Variants in BCAS3 observed in about 807,000 individuals in gnomAD.
BCAS3 encodes BCAS4/BCAS3 fusion.
A neutral mutation model predicts 116.1 loss-of-function variants in BCAS3; 53 were observed. That is an observed-to-expected ratio of 0.46 (90% CI 0.37 to 0.57). The LOEUF (loss-of-function observed/expected upper bound fraction) is 0.57. Ranked by LOEUF, BCAS3 falls within the 20% of genes least tolerant of loss-of-function variation. The pLI is 0.00. For synonymous variants in BCAS3, 391 were observed against 408.2 expected (o/e 0.96, Z 0.51); for missense variants, 917 against 1,165.4 (o/e 0.79, Z 3.10).
rs935059056 is a variant in BCAS3 at position 61,313,116 on chromosome 17, G to C, written c.2426-55211G>C. On this transcript the variant is annotated intron_variant, in intron 22 of 23. Coordinates refer to ENST00000407086, the MANE Select transcript of BCAS3 (RefSeq NM_017679.5). The surrounding 1 kb of genome is among the most constrained non-coding windows in gnomAD (Gnocchi z 4.3). ...GCATTGATTGAGAAATCTACTCCGT[G>C]TTAGGCTTAGACTACATAGTGATGA... Among the ~76,000 whole-genome samples, 1 of 152,226 alleles carries C rather than the reference G, an allele frequency of 6.6e-6. No individual in the cohort carries two copies. The highest frequency in any genetic ancestry group is 1.5e-5 in the Non-Finnish European group (1 of 68,046).
chr17:61,057,971 G>A (rs554195559), intron 19 of BCAS3, among the ~76,000 whole-genome samples: 11 of 151,548 alleles, frequency 7.3e-5, no homozygotes, highest in Admixed American at 2.6e-4. Context: ...TTATATTGAA[G>A]CCTCTTTTAG....
At chr17:60,683,961 G>T (rs1348714783) in intron 2 of BCAS3, 21 bp from the exon 3 acceptor site, 1 of 1,608,022 alleles carries the variant, frequency 6.2e-7, no homozygotes, top group Admixed American at 1.7e-5. Flanking sequence ...GACCAGTGTT[G>T]TCCATTTCAC....
intron 15 of BCAS3, among the ~76,000 whole-genome samples, chr17:60,991,491 G>A (rs969840384): frequency 2.6e-5 from 4 of 152,148 alleles, no homozygotes; most frequent in African/African-American, 4.8e-5. Context: ...TCACTAGAAC[G>A]ACAGAAAACG....
intron 6 of BCAS3, among the ~76,000 whole-genome samples, chr17:60,765,527 CT>C (rs1001263434): frequency 1.5e-4 from 23 of 152,194 alleles, no homozygotes; most frequent in Non-Finnish European, 2.4e-4. Flanking sequence ...CCCCCACTCT[CT>C]TCTGGCTTGT....
In BCAS3 at chr17:61,248,035, G is replaced by A. The variant is rs2048111053; in HGVS notation, c.2426-120292G>A. ...AAAAGGAGTTGGGGTACTTTGTTGG[G>A]ATGTTTTGTTAGGATGCTTTTCTGA... On this transcript the variant is annotated intron_variant, in intron 22 of 23. Transcript: ENST00000407086. This position sits in a 1 kb window ranked among gnomAD's most constrained non-coding sequence, Gnocchi z 4.3. 6.6e-6 allele frequency among the ~76,000 whole-genome samples: 1 copy of A among 152,216 alleles called. No homozygotes were observed. Among genetic ancestry groups the A allele is most frequent in the East Asian group, 1.9e-4 (1 of 5,198 alleles).
At chr17:60,849,714 G>T (rs574087141) in intron 7 of BCAS3, among the ~76,000 whole-genome samples, 19 of 152,182 alleles carry the variant, frequency 1.2e-4, no homozygotes, top group Admixed American at 9.8e-4. Context: ...GTGCATAGAA[G>T]AATTGAGTGA....
chr17:61,115,774 A>G (rs2075391461), intron 22 of BCAS3, among the ~76,000 whole-genome samples: 3 of 149,226 alleles, frequency 2.0e-5, no homozygotes, highest in Admixed American at 6.7e-5. Flanking sequence ...TCATGCTGCT[A>G]TAAAGACACA....
intron 22 of BCAS3, among the ~76,000 whole-genome samples, chr17:61,301,564 G>C (rs2053440310): frequency 2.6e-5 from 4 of 152,170 alleles, no homozygotes; most frequent in Non-Finnish European, 5.9e-5. Context: ...TTGAACCCGG[G>C]AGGTGGAGGT....
At chr17:60,794,608 A>G (rs938496008) in intron 6 of BCAS3, among the ~76,000 whole-genome samples, 2 of 152,126 alleles carry the variant, frequency 1.3e-5, no homozygotes, top group Admixed American at 1.3e-4. Context: ...ATCCAGTTTC[A>G]TTCTCCTACA....
chr17:61,104,343 A>G lies in BCAS3; in HGVS notation c.2425+19779A>G, dbSNP rs1246538325. Among the ~76,000 whole-genome samples the G allele has an allele frequency of 6.6e-6, 1 of 152,208 alleles. No individual in the cohort carries two copies. Among genetic ancestry groups the G allele is most frequent in the African/African-American group, 2.4e-5 (1 of 41,452 alleles). Reference sequence around the variant, plus strand: ...TTTTATTTTTTAAAAACTTTTTAAAAAAAGTTTTTCATATAACTTTTTCAT... The same window carrying G: ...TTTTATTTTTTAAAAACTTTTTAAAGAAAGTTTTTCATATAACTTTTTCAT... On this transcript the variant is annotated intron_variant, in intron 22 of 23. Coordinates refer to ENST00000407086, the MANE Select transcript of BCAS3 (RefSeq NM_017679.5). The surrounding 1 kb of genome is among the most constrained non-coding windows in gnomAD (Gnocchi z 4.1).
chr17:60,810,580 C>G (rs2048715947), intron 7 of BCAS3: 1 of 769,620 alleles, frequency 1.3e-6, no homozygotes, highest in Non-Finnish European at 2.3e-6. Flanking sequence ...CCTGAGGGCT[C>G]AGATCTTCCC....
chr17:61,392,068 T>G lies in BCAS3; in HGVS notation c.2685T>G (p.Ser895=). Reference sequence around the variant, plus strand: ...CAAGAAACTTTGATGGCTACCGATCTCCGCTGCCCACCAATGAGAGCCAGC... The same window carrying G: ...CAAGAAACTTTGATGGCTACCGATCGCCGCTGCCCACCAATGAGAGCCAGC... The part of the protein sequence containing the change: ...SIPRNFDGYR[S]PLPTNESQPL... Residue 895 remains serine, a synonymous_variant, in exon 24 of 24, where the codon TCT becomes TCG. Coordinates refer to ENST00000407086, the MANE Select transcript of BCAS3 (RefSeq NM_017679.5). The surrounding 1 kb of genome is among the most constrained non-coding windows in gnomAD (Gnocchi z 6.4). 6.2e-7 allele frequency: 1 copy of G among 1,613,730 alleles called. No individual in the cohort carries two copies. The highest frequency in any genetic ancestry group is 8.5e-7 in the Non-Finnish European group (1 of 1,179,992).
chr17:60,845,130 G>C (rs982424239), intron 7 of BCAS3, among the ~76,000 whole-genome samples: 2 of 152,228 alleles, frequency 1.3e-5, no homozygotes, highest in Non-Finnish European at 2.9e-5. Context: ...TCAGGAGCCT[G>C]AGGCAGGAGA....
intron 22 of BCAS3, among the ~76,000 whole-genome samples, chr17:61,314,285 A>C (rs1266848929): frequency 6.6e-6 from 1 of 152,162 alleles, no homozygotes; most frequent in Non-Finnish European, 1.5e-5. Context: ...TGCTCCCACA[A>C]ACCTAAAAGC....
intron 22 of BCAS3, among the ~76,000 whole-genome samples, chr17:61,284,645 GTTTTTTTTTTTCCTCTACTC>G (rs2051568160): frequency 6.9e-6 from 1 of 145,064 alleles, no homozygotes; most frequent in Non-Finnish European, 1.5e-5. Context: ...CCACAACTGC[GTTTTTTTTTTTCCTCTACTC>G]TTTTTTTTTT....
intron 6 of BCAS3, among the ~76,000 whole-genome samples, chr17:60,790,538 T>G (rs1473483869): frequency 6.6e-6 from 1 of 152,138 alleles, no homozygotes; most frequent in Non-Finnish European, 1.5e-5. Context: ...AAAAGTAATA[T>G]TGTTAACTGT....
intron 14 of BCAS3, among the ~76,000 whole-genome samples, chr17:60,987,449 A>G (rs983096410): frequency 3.3e-5 from 5 of 152,118 alleles, no homozygotes; most frequent in Non-Finnish European, 7.4e-5. Context: ...CATTTTAACA[A>G]TATTGATTCT....
Position 61,388,303 on chromosome 17 carries a change from G to A in BCAS3, c.2594-3674G>A, listed in dbSNP as rs541279156. 2.1e-4 allele frequency: 63 copies of A among 297,912 alleles called. No homozygotes were observed. The highest frequency in any genetic ancestry group is 1.1e-3 in the Middle Eastern group (1 of 940). 18.5% of individuals were successfully genotyped at this position (297,912 alleles called of 1,614,324 possible). ...GGTCCCATCTGGCACTGCATGGGCC[G>A]TAGGTCCCCAGCCCTCCCACTTCCT... On this transcript the variant is annotated intron_variant, in intron 23 of 23. Coordinates refer to ENST00000407086, the MANE Select transcript of BCAS3 (RefSeq NM_017679.5). This position sits in a 1 kb window ranked among gnomAD's most constrained non-coding sequence, Gnocchi z 6.5.
rs189487257 is a variant in BCAS3 at position 61,243,226 on chromosome 17, G to A, written c.2426-125101G>A. Among the ~76,000 whole-genome samples, 1 of 152,206 alleles carries A rather than the reference G, an allele frequency of 6.6e-6. No individual in the cohort carries two copies. The highest frequency in any genetic ancestry group is 6.5e-5 in the Admixed American group (1 of 15,286). ...CGCCCTACTGCTATACACATTTAATGTCTACACTGTGATGAGTATGGAGAT... is the reference window on the plus strand; with the variant it reads ...CGCCCTACTGCTATACACATTTAATATCTACACTGTGATGAGTATGGAGAT... On this transcript the variant is annotated intron_variant, in intron 22 of 23. Transcript: ENST00000407086. This position sits in a 1 kb window ranked among gnomAD's most constrained non-coding sequence, Gnocchi z 5.6.
Sources: gnomAD v4.1 joint callset for allele counts (sites outside exome capture counted in the v4.1 genomes callset) on GRCh38, gnomAD v4.1.1 for gene constraint, Gnocchi (gnomAD v3.1) non-coding constraint, MANE v1.5 for transcripts, NCBI Gene and HGNC (gene_info 2026-07-23, HGNC 2026-07-21) for gene names.